The following NBPF26 variants were observed in gnomAD, a reference collection of about 807,000 sequenced individuals.
NBPF26 encodes the protein NBPF member 26, also known as NBPF family member NBPF26.
In NBPF26, 79 loss-of-function variants were observed where a neutral mutation model predicts 119.6. The observed-to-expected ratio is 0.66, with a 90% CI of 0.55 to 0.80. The LOEUF (loss-of-function observed/expected upper bound fraction) is 0.80. NBPF26 is among the 30% of genes least tolerant of loss of function. NBPF26 has a pLI of 0.00. For synonymous variants in NBPF26, 299 were observed against 457.7 expected, an observed-to-expected ratio of 0.65 and a Z score of 4.43; for missense variants, 800 against 1,198.2, an observed-to-expected ratio of 0.67 and a Z score of 4.91.
intron 15 of NBPF26, among the ~76,000 whole-genome samples, chr1:120,820,443 T>TAA (rs1322042495): frequency 1.5e-3 from 27 of 18,516 alleles, no homozygotes; most frequent in East Asian, 0.013. Flanking sequence ...CTTAAAGTAT[T>TAA]AAAAATATAT....
At chr1:120,763,975 A>AT (rs1651161087) in intron 2 of NBPF26, among the ~76,000 whole-genome samples, 1 of 113,740 alleles carries the variant, frequency 8.8e-6, no homozygotes, top group East Asian at 2.1e-4. Context: ...TAGACCAGGC[A>AT]TGGTGGCTCA....
chr1:120,805,542 T>A lies in NBPF26; in HGVS notation c.752-14T>A. ...GTTTTTAACCCATCATATGTTTGGG[T>A]TTCTTCTCCCCAGTCCCTGACTCCA... On this transcript the variant is annotated splice_polypyrimidine_tract_variant and intron_variant, in intron 4 of 29. Transcript: ENST00000620612. The A allele has an allele frequency of 7.7e-7, 1 of 1,295,624 alleles. No individual in the cohort carries two copies. The highest frequency in any genetic ancestry group is 1.1e-6 in the Non-Finnish European group (1 of 931,384). The allele number at this position is 1,295,624 out of a possible 1,614,324, so 80.3% of individuals were successfully genotyped here. A position where few individuals can be genotyped will look rare whatever the true frequency, so the allele number is the denominator to read the frequency against.
chr1:120,776,302 T>A (rs1395546584), intron 2 of NBPF26, among the ~76,000 whole-genome samples: 1 of 106,074 alleles, frequency 9.4e-6, no homozygotes, highest in Non-Finnish European at 1.8e-5. Flanking sequence ...TGAGACTTAA[T>A]GAAATTTTAG....
chr1:120,783,685 GAAC>G (rs1651391064), intron 2 of NBPF26, among the ~76,000 whole-genome samples: 1 of 115,802 alleles, frequency 8.6e-6, no homozygotes, highest in African/African-American at 5.1e-5. Context: ...AAAACCAAGT[GAAC>G]AACAGTAACA....
chr1:120,810,500 G>T lies in NBPF26; in HGVS notation c.1506G>T (p.Leu502=). ...AGGAAGACGAAGTCAACTCAACTCT[G>T]GTTGTAGACAGAGAATCCTCTCATG... Residue 502 remains leucine (L), a synonymous_variant, in exon 9 of 30, where the codon CTG becomes CTT. Transcript: ENST00000620612. 5 of 1,554,834 alleles carry T rather than the reference G, an allele frequency of 3.2e-6. No individual in the cohort carries two copies. The South Asian group carries it at 3.3e-5, about 10-fold the overall frequency.
At chr1:120,785,162 G>A (rs1651411501) in exon 3 of NBPF26, 1 of 1,446,294 alleles carries the variant, frequency 6.9e-7, no homozygotes, top group Non-Finnish European at 9.2e-7. Context: ...TCTCGACCTT[G>A]CCTGAATGGC....
chr1:120,759,856 A>C (rs1213021075), intron 1 of NBPF26, among the ~76,000 whole-genome samples: 3 of 112,956 alleles, frequency 2.7e-5, no homozygotes, highest in Admixed American at 8.5e-5. Context: ...AGCAATTTTG[A>C]AATGTACAAT....
At chr1:120,806,979 C>A (rs1457846574) in intron 5 of NBPF26, among the ~76,000 whole-genome samples, 1 of 125,104 alleles carries the variant, frequency 8.0e-6, no homozygotes, top group Non-Finnish European at 1.6e-5. Context: ...ACTAACTAAG[C>A]TTATGCTGTT....
rs1400176633 is a variant in NBPF26 at position 120,824,371 on chromosome 1, C to A, written c.2812+225C>A. 3.1e-3 allele frequency among the ~76,000 whole-genome samples: 362 copies of A among 118,476 alleles called. No homozygotes were observed. The East Asian group carries it at 0.074, about 24-fold the overall frequency. 77.7% of individuals were successfully genotyped at this position (118,476 alleles called of 152,430 possible). On this transcript the variant is annotated intron_variant, in intron 18 of 29. Transcript: ENST00000620612. The stretch of plus-strand genomic sequence containing the variant: ...TAGTCTCAGGCCATGCCTGTGGCAC[C>A]CTAATCCTACTCTCATGACATTGGA...
chr1:120,751,595 TTCGC>T lies in NBPF26; in HGVS notation c.74-12023_74-12020del, dbSNP rs1340663076. Among the ~76,000 whole-genome samples, 10 of 56,120 alleles carry T rather than the reference TTCGC, an allele frequency of 1.8e-4. 4 individuals carry two copies. Among genetic ancestry groups the T allele is most frequent in the Non-Finnish European group, 3.7e-4 (9 of 24,376 alleles). The allele number at this position is 56,120 out of a possible 152,430, so 36.8% of individuals were successfully genotyped here. On this transcript the variant is annotated intron_variant, in intron 1 of 29. Transcript: ENST00000620612. Reference sequence around the variant, plus strand: ...GAAGGTAGGCCAGGGCATCTGCTCGTTCGCTCGCTCGCTTGCTCTTTCTCTCTTC... The same window carrying T: ...GAAGGTAGGCCAGGGCATCTGCTCGTTCGCTCGCTTGCTCTTTCTCTCTTC...
chr1:120,811,231 G>T (rs1651857042), intron 9 of NBPF26, among the ~76,000 whole-genome samples: 1 of 104,586 alleles, frequency 9.6e-6, no homozygotes, highest in East Asian at 2.2e-4. Flanking sequence ...CTGGGAGACA[G>T]AGCGAGACTC....
At chr1:120,745,127 A>T (rs1650966048) in intron 1 of NBPF26, among the ~76,000 whole-genome samples, 3 of 94,018 alleles carry the variant, frequency 3.2e-5, no homozygotes, top group Non-Finnish European at 3.9e-5. Flanking sequence ...CTCCAAAAAA[A>T]AAAAAACAAA....
chr1:120,812,222 G>A lies in NBPF26; in HGVS notation c.1774+127G>A. ...CGTACTTCTAGGAAAACAGAAATGG[G>A]TATTTTAACATTTTGTCAAAGTTGG... is the stretch of plus-strand genomic sequence containing the variant. On this transcript the variant is annotated intron_variant, in intron 10 of 29. Coordinates refer to ENST00000620612, the Ensembl canonical transcript of NBPF26. 5.5e-6 allele frequency: 3 copies of A among 547,972 alleles called. 1 individual carries two copies. The highest frequency in any genetic ancestry group is 6.3e-5 in the East Asian group (2 of 31,752). The allele number at this position is 547,972 out of a possible 1,614,324, so 33.9% of individuals were successfully genotyped here.
Position 120,811,552 on chromosome 1 carries a change from A to G in NBPF26, c.1565-334A>G, listed in dbSNP as rs1651866920. Among the ~76,000 whole-genome samples the G allele has an allele frequency of 1.8e-5, 2 of 113,402 alleles. 1 individual carries two copies. The highest frequency in any genetic ancestry group is 3.4e-5 in the Non-Finnish European group (2 of 58,014). The allele number at this position is 113,402 out of a possible 152,430, so 74.4% of individuals were successfully genotyped here. Reference sequence around the variant, plus strand: ...AGAGTGAGACTCCGTCTCAAACAAAAAAACCAAAAAAGAAAATTAAGCAAA... The same window carrying G: ...AGAGTGAGACTCCGTCTCAAACAAAGAAACCAAAAAAGAAAATTAAGCAAA... On this transcript the variant is annotated intron_variant, in intron 9 of 29. Transcript: ENST00000620612.
chr1:120,734,469 TC>T (rs1650894437), intron 1 of NBPF26, among the ~76,000 whole-genome samples: 1 of 71,476 alleles, frequency 1.4e-5, no homozygotes, highest in Non-Finnish European at 2.6e-5. Context: ...CAAATTTATG[TC>T]CACTGGTCTT....
chr1:120,816,861 T>A, intron 14 of NBPF26, 34 bp downstream of exon 14: 1 of 1,451,120 alleles, frequency 6.9e-7, no homozygotes, highest in Non-Finnish European at 9.2e-7. Context: ...TCATACCTCT[T>A]TCTTGGCTGA....
In NBPF26 at chr1:120,770,386, G is replaced by C. The variant is rs1220931729; in HGVS notation, c.155+6677G>C. On this transcript the variant is annotated intron_variant, in intron 2 of 29. Coordinates refer to ENST00000620612, the Ensembl canonical transcript of NBPF26. ...GGGTTTCACTGTGTTAGCCAGGATG[G>C]TCTCTATCTCCTGACCTCATGATCT... 2.7e-5 allele frequency among the ~76,000 whole-genome samples: 3 copies of C among 110,858 alleles called. 1 individual carries two copies. Among genetic ancestry groups the C allele is most frequent in the Admixed American group, 2.6e-4 (3 of 11,694 alleles). The allele number at this position is 110,858 out of a possible 152,430, so 72.7% of individuals were successfully genotyped here. A position where few individuals can be genotyped will look rare whatever the true frequency, so the allele number is the denominator to read the frequency against.
intron 4 of NBPF26, among the ~76,000 whole-genome samples, chr1:120,802,498 G>T (rs1321719742): frequency 8.0e-6 from 1 of 125,432 alleles, no homozygotes; most frequent in African/African-American, 3.9e-5. Context: ...AGAGACATGA[G>T]CCCTTCGGGA....
At chr1:120,784,130 A>AGAGACTTGTATATCTTTT (rs1651396117) in intron 2 of NBPF26, among the ~76,000 whole-genome samples, 2 of 118,220 alleles carry the variant, frequency 1.7e-5, no homozygotes, top group Non-Finnish European at 3.3e-5. Flanking sequence ...TGTGGGTTAA[A>AGAGACTTGTATATCTTTT]AGAGACTTGT....
Sources: allele counts gnomAD v4.1 joint callset (sites outside exome capture counted in the v4.1 genomes callset), GRCh38; gene constraint gnomAD v4.1.1; transcripts MANE v1.5; gene names NCBI Gene and HGNC (gene_info 2026-07-23, HGNC 2026-07-21).